Variants in MCU observed in about 807,000 individuals in gnomAD.
MCU encodes the protein calcium uniporter protein, mitochondrial.
MCU carries 12 observed loss-of-function variants against 45.2 expected under a neutral mutation model. That is an observed-to-expected ratio of 0.27 (90% CI 0.17 to 0.43). MCU has a LOEUF of 0.43. Among genes scored for constraint, MCU ranks in the 20% least tolerant of loss-of-function variants. The pLI is 1.00. For missense variants in MCU, 324 were observed against 436.7 expected (o/e 0.74, Z 2.30); for synonymous variants, 160 against 165.1 (o/e 0.97, Z 0.24).
chr10:72,693,172 G>A, intron 1 of MCU: 2 of 1,026,720 alleles, frequency 1.9e-6, no homozygotes, highest in Non-Finnish European at 1.4e-6. Context: ...ACTCTTGGGT[G>A]AGTGTGTGTG....
chr10:72,755,425 G>A (rs1457264527), intron 1 of MCU, among the ~76,000 whole-genome samples: 1 of 152,164 alleles, frequency 6.6e-6, no homozygotes, highest in Non-Finnish European at 1.5e-5. Context: ...TGGGATTACA[G>A]GCATGAGCCA....
intron 1 of MCU, among the ~76,000 whole-genome samples, chr10:72,695,712 CT>C (rs201032987): frequency 4.3e-3 from 598 of 138,422 alleles, no homozygotes; most frequent in Admixed American, 4.4e-3. Flanking sequence ...AATTCCTTTA[CT>C]TTTTTTTTTT....
chr10:72,799,884 CATATT>C (rs969264573), intron 1 of MCU, among the ~76,000 whole-genome samples: 1 of 152,102 alleles, frequency 6.6e-6, no homozygotes, highest in African/African-American at 2.4e-5. Flanking sequence ...GCTTTTGAAA[CATATT>C]AGACATATAA....
chr10:72,853,639 A>G (rs374017353), intron 2 of MCU, among the ~76,000 whole-genome samples: 2 of 152,212 alleles, frequency 1.3e-5, no homozygotes, highest in South Asian at 2.1e-4. Flanking sequence ...TAAAAAATCT[A>G]ACAACTCCCA....
intron 1 of MCU, among the ~76,000 whole-genome samples, chr10:72,767,397 G>A (rs910949217): frequency 2.6e-5 from 4 of 152,074 alleles, no homozygotes; most frequent in African/African-American, 9.7e-5. Flanking sequence ...AAAAGGACTC[G>A]GAAGTCTTGT....
intron 1 of MCU, among the ~76,000 whole-genome samples, chr10:72,736,855 G>C (rs1238229741): frequency 1.3e-5 from 2 of 152,164 alleles, no homozygotes; most frequent in Non-Finnish European, 2.9e-5. Context: ...ACATTGTTGC[G>C]TGCTGTCAAC....
rs140890803 is a variant in MCU at position 72,841,694 on chromosome 10, G to A, written c.220+7266G>A. On this transcript the variant is annotated intron_variant, in intron 2 of 7. Coordinates refer to ENST00000373053, the MANE Select transcript of MCU (RefSeq NM_138357.3). ...TGTGCACGCTTATACTGCCTCAGAG[G>A]AGAAAGCAGCTCCACCCATTGTAAT... is the stretch of plus-strand genomic sequence containing the variant. Among the ~76,000 whole-genome samples, 426 of 152,304 alleles carry A rather than the reference G, an allele frequency of 2.8e-3. 7 individuals are homozygous for A. The highest frequency in any genetic ancestry group is 0.021 in the Admixed American group (324 of 15,290).
At chr10:72,805,101 C>CTTTTTCTTTCTT (rs1554824914) in intron 1 of MCU, among the ~76,000 whole-genome samples, 4 of 103,454 alleles carry the variant, frequency 3.9e-5, no homozygotes, top group Admixed American at 1.1e-4. Flanking sequence ...TTCTTTCTTT[C>CTTTTTCTTTCTT]TCTTTCTTTC....
chr10:72,853,113 C>A (rs1457944960), intron 2 of MCU, among the ~76,000 whole-genome samples: 1 of 152,100 alleles, frequency 6.6e-6, no homozygotes, highest in Non-Finnish European at 1.5e-5. Flanking sequence ...AAATTTCTAA[C>A]CACCAATCAA....
At chr10:72,855,075 C>A (rs1845267261) in intron 2 of MCU, among the ~76,000 whole-genome samples, 1 of 151,966 alleles carries the variant, frequency 6.6e-6, no homozygotes. Flanking sequence ...AACCCTGTCT[C>A]TACTAAAGAA....
chr10:72,792,903 G>A (rs1416804660), intron 1 of MCU, among the ~76,000 whole-genome samples: 1 of 151,734 alleles, frequency 6.6e-6, no homozygotes. Context: ...AATTGAGATG[G>A]AGTCTCACTC....
intron 1 of MCU, among the ~76,000 whole-genome samples, chr10:72,712,151 G>A (rs1425609595): frequency 6.6e-6 from 1 of 152,136 alleles, no homozygotes; most frequent in Non-Finnish European, 1.5e-5. Context: ...TCTGTTAACT[G>A]ACAGACTTTT....
intron 1 of MCU, among the ~76,000 whole-genome samples, chr10:72,695,713 T>A (rs998525127): frequency 2.9e-5 from 4 of 139,518 alleles, no homozygotes; most frequent in African/African-American, 1.0e-4. Flanking sequence ...ATTCCTTTAC[T>A]TTTTTTTTTT....
intron 4 of MCU, 140 bp from the exon 5 acceptor site, chr10:72,868,563 A>T: frequency 1.4e-6 from 1 of 739,818 alleles, no homozygotes; most frequent in Non-Finnish European, 2.1e-6. Context: ...AAAAAAAAAA[A>T]AAAAGAGAGC....
At chr10:72,878,739 A>T (rs969705310) in intron 6 of MCU, among the ~76,000 whole-genome samples, 75 of 152,332 alleles carry the variant, frequency 4.9e-4, no homozygotes, top group African/African-American at 1.7e-3. Flanking sequence ...ACTATTCAAA[A>T]TGAAGTGTGC....
intron 4 of MCU, among the ~76,000 whole-genome samples, chr10:72,861,410 A>G (rs773111447): frequency 6.6e-6 from 1 of 151,918 alleles, no homozygotes; most frequent in Non-Finnish European, 1.5e-5. Flanking sequence ...TAATCAAGAT[A>G]AAGAATTGTT....
In MCU at chr10:72,839,209, C is replaced by T. The variant is rs562014413; in HGVS notation, c.220+4781C>T. Among the ~76,000 whole-genome samples, 7 of 152,194 alleles carry T rather than the reference C, an allele frequency of 4.6e-5. No individual in the cohort carries two copies. In the East Asian group the frequency reaches 1.2e-3, roughly 25 times the overall value. Reference sequence around the variant, plus strand: ...TTCACCATGTTGGCCACGCTGGTCTCGAACTCCTGACCTCAGGTGATCCAC... The same window carrying T: ...TTCACCATGTTGGCCACGCTGGTCTTGAACTCCTGACCTCAGGTGATCCAC... On this transcript the variant is annotated intron_variant, in intron 2 of 7. Coordinates refer to ENST00000373053, the MANE Select transcript of MCU (RefSeq NM_138357.3).
rs1564580442 is a variant in MCU, at chr10:72,871,530, A to G, written c.811A>G (p.Thr271Ala). 1.2e-6 allele frequency: 2 copies of G among 1,614,156 alleles called. No individual in the cohort carries two copies. The highest frequency in any genetic ancestry group is 1.7e-6 in the Non-Finnish European group (2 of 1,180,014). The part of the protein sequence containing the change: ...DIMEPVTYFI[T>A]YGSAMAMYAY... ...CATGGAGCCAGTAACATACTTCATCACTTATGGAAGTGCCATGGCAATGTA... is the reference window on the plus strand; with the variant it reads ...CATGGAGCCAGTAACATACTTCATCGCTTATGGAAGTGCCATGGCAATGTA... Residue 271 changes from threonine to alanine, a missense_variant, in exon 6 of 8, where the codon ACT becomes GCT. Thr to Ala is a moderately conservative substitution (Grantham distance 58). Coordinates refer to ENST00000373053, the MANE Select transcript of MCU (RefSeq NM_138357.3).
At chr10:72,772,150 G>A (rs1221006002) in intron 1 of MCU, among the ~76,000 whole-genome samples, 13 of 152,192 alleles carry the variant, frequency 8.5e-5, no homozygotes, top group Admixed American at 7.9e-4. Context: ...ACCATCCTCA[G>A]CCCTGAAAAC....
Sources: gnomAD v4.1 joint callset for allele counts (sites outside exome capture counted in the v4.1 genomes callset) on GRCh38, gnomAD v4.1.1 for gene constraint, MANE v1.5 for transcripts, NCBI Gene and HGNC (gene_info 2026-07-23, HGNC 2026-07-21) for gene names.